Variants in LRRC7 observed in about 807,000 individuals in gnomAD.
LRRC7 encodes leucine rich repeat containing 7, also known as leucine-rich repeat-containing protein 7.
Under a neutral mutation model 175.7 loss-of-function variants are expected in LRRC7, and 23 were observed. That is an observed-to-expected ratio of 0.13 (90% confidence interval 0.09 to 0.19). LRRC7 has a LOEUF of 0.19. LRRC7 is among the 10% of genes least tolerant of loss of function. The pLI is 1.00. For missense variants in LRRC7, 1,354 were observed against 1,904.7 expected (o/e 0.71, Z 5.38); for synonymous variants, 685 against 680.9 (o/e 1.01, Z -0.09).
rs144131907 is a variant in LRRC7 at position 69,803,779 on chromosome 1, GT to G, written c.421+11626del. 3.8e-3 allele frequency among the ~76,000 whole-genome samples: 577 copies of G among 150,688 alleles called. 1 individual carries two copies. Among genetic ancestry groups the G allele is most frequent in the African/African-American group, 0.012 (512 of 41,278 alleles). The stretch of plus-strand genomic sequence containing the variant: ...AGGAAATAATCTACTTCATCATACT[GT>G]TTTTTTAATTTATTTTCACGTATTA... On this transcript the variant is annotated intron_variant, in intron 4 of 26. Coordinates refer to ENST00000651989, the MANE Select transcript of LRRC7 (RefSeq NM_001370785.2).
rs559057717 is a variant in LRRC7 at position 69,660,486 on chromosome 1, T to G, written c.3-17895T>G. Among the ~76,000 whole-genome samples the G allele has an allele frequency of 3.9e-5, 6 of 152,116 alleles. No individual in the cohort carries two copies. The East Asian group carries it at 1.2e-3, about 29-fold the overall frequency. On this transcript the variant is annotated intron_variant, in intron 1 of 26. Coordinates refer to ENST00000651989, the MANE Select transcript of LRRC7 (RefSeq NM_001370785.2). ...AACGTAGATAAAAGCCGATGTTAGA[T>G]GTTGATATGCAGTAAGGTAAAAGAA...
rs532063540 is a variant in LRRC7 at position 69,865,469 on chromosome 1, C to CTTTTTTTTTTTTTTTTTTTTTTTTTT, written c.647+27211_647+27212insTTTTTTTTTTTTTTTTTTTTTTTTTT. On this transcript the variant is annotated intron_variant, in intron 7 of 26. Coordinates refer to ENST00000651989, the MANE Select transcript of LRRC7 (RefSeq NM_001370785.2). ...ATAAGCAAGCTGCTGAAGACAGTTC[C>CTTTTTTTTTTTTTTTTTTTTTTTTTT]TTTTTTTTTTTTTTTTTTTTTTTTT... Among the ~76,000 whole-genome samples the CTTTTTTTTTTTTTTTTTTTTTTTTTT allele has an allele frequency of 1.5e-3, 77 of 51,264 alleles. 23 individuals carry two copies. The highest frequency in any genetic ancestry group is 2.2e-3 in the Admixed American group (6 of 2,770). 33.6% of individuals were successfully genotyped at this position (51,264 alleles called of 152,430 possible).
intron 23 of LRRC7, among the ~76,000 whole-genome samples, chr1:70,060,948 G>T (rs1204794979): frequency 1.3e-5 from 2 of 152,140 alleles, no homozygotes; most frequent in African/African-American, 4.8e-5. Flanking sequence ...AGAACCCCCA[G>T]GAGTTATGTC....
At chr1:69,719,046 C>T (rs1432054583) in intron 2 of LRRC7, among the ~76,000 whole-genome samples, 1 of 151,768 alleles carries the variant, frequency 6.6e-6, no homozygotes, top group Non-Finnish European at 1.5e-5. Context: ...GTCAGATTTA[C>T]TTATTCTCAG....
At chr1:70,095,301 A>T (rs1220697489) in intron 25 of LRRC7, among the ~76,000 whole-genome samples, 2 of 152,194 alleles carry the variant, frequency 1.3e-5, no homozygotes, top group African/African-American at 4.8e-5. Context: ...AATTTCAAGC[A>T]TAAGTTCTTT....
chr1:69,714,740 G>T (rs1665149143), intron 2 of LRRC7, among the ~76,000 whole-genome samples: 1 of 152,140 alleles, frequency 6.6e-6, no homozygotes, highest in African/African-American at 2.4e-5. Flanking sequence ...CAGGGGCAGA[G>T]AATCACTTTT....
rs151257562 is a variant in LRRC7, at chr1:69,692,821, C to A, written c.100+14343C>A. Among the ~76,000 whole-genome samples, 29 of 152,176 alleles carry A rather than the reference C, an allele frequency of 1.9e-4. No individual in the cohort carries two copies. The East Asian group carries it at 5.2e-3, about 27-fold the overall frequency. ...GGCTAAACATTATTTCCAGGTGTGT[C>A]TATGCGAATGTTTTCAGAAAAAAAA... On this transcript the variant is annotated intron_variant, in intron 2 of 26. Transcript: ENST00000651989.
chr1:69,985,969 T>C (rs1032614028), intron 9 of LRRC7, among the ~76,000 whole-genome samples: 4 of 152,226 alleles, frequency 2.6e-5, no homozygotes, highest in Admixed American at 6.5e-5. Flanking sequence ...TGTACATATG[T>C]TTTTATTCTC....
chr1:70,063,783 C>T (rs1217681268), intron 23 of LRRC7, among the ~76,000 whole-genome samples: 1 of 151,812 alleles, frequency 6.6e-6, no homozygotes, highest in African/African-American at 2.4e-5. Context: ...GTAGACTCAT[C>T]CTCAGTTTCA....
intron 8 of LRRC7, among the ~76,000 whole-genome samples, chr1:69,978,932 G>A (rs1004611236): frequency 1.9e-3 from 244 of 125,974 alleles, no homozygotes; most frequent in Admixed American, 2.6e-3. Context: ...GTTTCAGTTA[G>A]AAAAAAAAAA....
intron 8 of LRRC7, among the ~76,000 whole-genome samples, chr1:69,933,651 A>T (rs1306097712): frequency 1.3e-5 from 2 of 152,172 alleles, no homozygotes; most frequent in Admixed American, 1.3e-4. Flanking sequence ...TACAACAAAT[A>T]TTCAGTATGT....
intron 4 of LRRC7, among the ~76,000 whole-genome samples, chr1:69,794,170 A>G (rs539904817): frequency 5.9e-5 from 9 of 152,318 alleles, no homozygotes; most frequent in African/African-American, 1.9e-4. Flanking sequence ...TCTGAAGGAG[A>G]CAATCAGAAC....
chr1:70,121,934 C>A lies in LRRC7; in HGVS notation c.*47C>A. On this transcript the variant is annotated 3_prime_UTR_variant, in exon 27 of 27. Coordinates refer to ENST00000651989, the MANE Select transcript of LRRC7 (RefSeq NM_001370785.2). ...GATACGTCTAGCCAGACCTAATGTT[C>A]AAAAATAAATTTATACATAGAAACA... The A allele has an allele frequency of 7.3e-7, 1 of 1,375,056 alleles. No homozygotes were observed. Among genetic ancestry groups the A allele is most frequent in the Non-Finnish European group, 1.0e-6 (1 of 984,036 alleles). The allele number at this position is 1,375,056 out of a possible 1,614,324, so 85.2% of individuals were successfully genotyped here.
At chr1:69,962,723 G>A (rs957224796) in intron 8 of LRRC7, among the ~76,000 whole-genome samples, 1 of 152,100 alleles carries the variant, frequency 6.6e-6, no homozygotes, top group Non-Finnish European at 1.5e-5. Context: ...ACTAACACAG[G>A]AACAGAAAAC....
intron 4 of LRRC7, among the ~76,000 whole-genome samples, chr1:69,797,179 A>G (rs1239071626): frequency 6.6e-6 from 1 of 152,164 alleles, no homozygotes; most frequent in African/African-American, 2.4e-5. Flanking sequence ...TAAGGTCGCC[A>G]TCCAATTGTT....
At chr1:70,080,859 G>T (rs1400585921) in intron 24 of LRRC7, among the ~76,000 whole-genome samples, 1 of 152,092 alleles carries the variant, frequency 6.6e-6, no homozygotes, top group Admixed American at 6.6e-5. Flanking sequence ...GAAAGTGAAG[G>T]TTTGACTCCC....
At chr1:69,982,647 T>C (rs1231525724) in intron 9 of LRRC7, among the ~76,000 whole-genome samples, 3 of 152,246 alleles carry the variant, frequency 2.0e-5, no homozygotes, top group Admixed American at 6.5e-5. Context: ...TTTAGTCTTT[T>C]ACATAGTTCT....
chr1:69,824,705 AT>A (rs1208907701), intron 4 of LRRC7, among the ~76,000 whole-genome samples: 1 of 152,070 alleles, frequency 6.6e-6, no homozygotes, highest in East Asian at 1.9e-4. Flanking sequence ...AAGGTGGAAT[AT>A]TTTGTTTCTT....
chr1:70,059,508 TG>T (rs1661412890), intron 23 of LRRC7, among the ~76,000 whole-genome samples: 1 of 151,650 alleles, frequency 6.6e-6, no homozygotes, highest in Non-Finnish European at 1.5e-5. Flanking sequence ...TGTGTGTGTG[TG>T]TGTGTGTGGT....
Sources: gnomAD v4.1 joint callset for allele counts (sites outside exome capture counted in the v4.1 genomes callset) on GRCh38, gnomAD v4.1.1 for gene constraint, MANE v1.5 for transcripts, NCBI Gene and HGNC (gene_info 2026-07-23, HGNC 2026-07-21) for gene names.